Variants in MRE11 observed in about 807,000 individuals in gnomAD.
MRE11 encodes double-strand break repair protein MRE11.
A neutral mutation model predicts 91.7 loss-of-function variants in MRE11; 62 were observed. The observed-to-expected ratio is 0.68, with a 90% confidence interval of 0.55 to 0.84. The LOEUF (loss-of-function observed/expected upper bound fraction) is 0.84, where lower values mean the gene tolerates loss of function less well. Ranked by LOEUF, MRE11 falls within the 40% of genes least tolerant of loss-of-function variation. The pLI, the probability that MRE11 is intolerant of heterozygous loss-of-function variation, is 0.00. For missense variants in MRE11, 796 were observed against 852.9 expected (o/e 0.93, Z 0.83); for synonymous variants, 273 against 271.4 (o/e 1.01, Z -0.06).
chr11:94,485,433 G>GA (rs1947115637), intron 4 of MRE11, among the ~76,000 whole-genome samples: 2 of 151,928 alleles, frequency 1.3e-5, no homozygotes, highest in African/African-American at 2.4e-5. Flanking sequence ...CATTGATTGG[G>GA]AAAAAATATA....
In MRE11 at chr11:94,447,453, A is replaced by G. The variant is rs747135251; in HGVS notation, c.1564-15T>C. 2.5e-6 allele frequency: 4 copies of G among 1,611,584 alleles called. No individual in the cohort carries two copies. The highest frequency in any genetic ancestry group is 1.1e-5 in the South Asian group (1 of 91,026). ...CTGGTCATAGCCTAAGAGGGAGAAG[A>G]AGGAGAAAGTACACACAATGAGATA... is the stretch of plus-strand genomic sequence containing the variant. On this transcript the variant is annotated splice_polypyrimidine_tract_variant and intron_variant, in intron 14 of 19. Transcript: ENST00000323929.
intron 6 of MRE11, among the ~76,000 whole-genome samples, chr11:94,477,207 T>C (rs1946884781): frequency 6.6e-6 from 1 of 152,186 alleles, no homozygotes; most frequent in African/African-American, 2.4e-5. Context: ...ATACTTTTGA[T>C]CTAATATATA....
the MRE11 span, among the ~76,000 whole-genome samples, chr11:94,507,389 G>C: frequency 6.6e-6 from 1 of 152,032 alleles, no homozygotes; most frequent in East Asian, 1.9e-4. Context: ...GGGGGATTTT[G>C]CATTGTTTCC....
At chr11:94,421,361 T>G (rs1310655063) in intron 19 of MRE11, among the ~76,000 whole-genome samples, 1 of 152,244 alleles carries the variant, frequency 6.6e-6, no homozygotes, top group Non-Finnish European at 1.5e-5. Flanking sequence ...GAGTAATGGA[T>G]GCCTTAAGAA....
At chr11:94,434,943 TTTA>T (rs1352108043) in intron 18 of MRE11, among the ~76,000 whole-genome samples, 7 of 152,338 alleles carry the variant, frequency 4.6e-5, no homozygotes, top group African/African-American at 1.7e-4. Context: ...AGTTGATTAC[TTTA>T]TTAAGTAGAA....
chr11:94,510,845 C>T, the MRE11 span, among the ~76,000 whole-genome samples: 7 of 152,324 alleles, frequency 4.6e-5, no homozygotes, highest in African/African-American at 1.7e-4. Flanking sequence ...AAAAGTTATA[C>T]ACACACGTAC....
At chr11:94,456,491 C>T (rs946622579) in intron 13 of MRE11, among the ~76,000 whole-genome samples, 153 bp from the exon 14 acceptor site, 4 of 146,998 alleles carry the variant, frequency 2.7e-5, no homozygotes, top group African/African-American at 1.0e-4. Flanking sequence ...CAATTATTAA[C>T]GTTAAAATTG....
chr11:94,464,378 G>T, intron 10 of MRE11, 139 bp from the exon 11 acceptor site: 1 of 1,153,772 alleles, frequency 8.7e-7, no homozygotes, highest in Non-Finnish European at 1.2e-6. Context: ...AGTAGATCAT[G>T]ATGGAGCTAT....
At chr11:94,497,773 T>C, upstream of MRE11, 1 of 296,172 alleles carries the variant, frequency 3.4e-6, no homozygotes, top group Non-Finnish European at 6.3e-6. Flanking sequence ...ATGTTATTCA[T>C]TGGACTGAAG....
rs864622413 is a variant in MRE11 at position 94,485,918 on chromosome 11, A to G, written c.314+6T>C. 23 of 1,611,486 alleles carry G rather than the reference A, an allele frequency of 1.4e-5. No homozygotes were observed. Among genetic ancestry groups the G allele is most frequent in the Non-Finnish European group, 1.8e-5 (21 of 1,179,156 alleles). ...ATCACTCACTCAAGTAAATAAATAT[A>G]CTTACTTACTAAAACCAAAGTTGAC... On this transcript the variant is annotated splice_donor_region_variant and intron_variant, in intron 4 of 19. Coordinates refer to ENST00000323929, the MANE Select transcript of MRE11 (RefSeq NM_005591.4).
At position 94,416,239 on chromosome 11, in the gene MRE11, A is replaced by T. The variant is rs1216579852; in HGVS notation, c.*3886T>A. The T allele has an allele frequency of 2.0e-5, 3 of 152,220 alleles. No homozygotes were observed. The highest frequency in any genetic ancestry group is 4.4e-5 in the Non-Finnish European group (3 of 68,036). The allele number at this position is 152,220 out of a possible 1,614,324, so 9.4% of individuals were successfully genotyped here. ...CATTTTAATACACATTCAATGTCTG[A>T]ATTTGAAGAATAAAAATGCATTGCT... On this transcript the variant is annotated 3_prime_UTR_variant, in exon 20 of 20. Transcript: ENST00000323929.
chr11:94,417,297 C>A lies in MRE11; in HGVS notation c.*2828G>T. 1 of 208,532 alleles carries A rather than the reference C, an allele frequency of 4.8e-6. No individual in the cohort carries two copies. Among genetic ancestry groups the A allele is most frequent in the Non-Finnish European group, 9.8e-6 (1 of 102,318 alleles). The allele number at this position is 208,532 out of a possible 1,614,324, so 12.9% of individuals were successfully genotyped here. A position where few individuals can be genotyped will look rare whatever the true frequency, so the allele number is the denominator to read the frequency against. On this transcript the variant is annotated 3_prime_UTR_variant, in exon 20 of 20. Transcript: ENST00000323929. ...CAGCCCATTGAGATACTTTTTTACT[C>A]AGTTTTTTTCTAAGAATGGATTTTC...
At chr11:94,465,154 A>G (rs1946527841) in intron 10 of MRE11, among the ~76,000 whole-genome samples, 1 of 152,206 alleles carries the variant, frequency 6.6e-6, no homozygotes. Flanking sequence ...AATGTCTTTT[A>G]GTCAGTACAA....
At chr11:94,491,142 T>A in intron 2 of MRE11, among the ~76,000 whole-genome samples, 177 bp from the exon 3 acceptor site, 1 of 152,160 alleles carries the variant, frequency 6.6e-6, no homozygotes, top group East Asian at 1.9e-4. Context: ...ACATTACAGT[T>A]TTCCTAACCA....
At chr11:94,508,311 G>T in the MRE11 span, among the ~76,000 whole-genome samples, 1 of 152,042 alleles carries the variant, frequency 6.6e-6, no homozygotes, top group Non-Finnish European at 1.5e-5. Flanking sequence ...AGTGCTTTTG[G>T]TTTCCTGTTT....
intron 16 of MRE11, among the ~76,000 whole-genome samples, chr11:94,441,188 C>G (rs1264285532): frequency 6.6e-6 from 1 of 152,168 alleles, no homozygotes; most frequent in Non-Finnish European, 1.5e-5. Context: ...AGGTAGGAAG[C>G]CTGTATTTCT....
At chr11:94,462,006 C>T (rs1208193522) in intron 11 of MRE11, among the ~76,000 whole-genome samples, 2 of 152,038 alleles carry the variant, frequency 1.3e-5, no homozygotes, top group African/African-American at 2.4e-5. Flanking sequence ...ACCTGGGAGG[C>T]GGAGCTTACA....
upstream of MRE11, chr11:94,496,953 T>TA (rs750258320): frequency 1.2e-3 from 1,539 of 1,330,364 alleles, 1 homozygote; most frequent in East Asian, 2.0e-3. Context: ...AAAAATCGGG[T>TA]AAAAAAAAAA....
intron 11 of MRE11, among the ~76,000 whole-genome samples, chr11:94,461,653 A>G (rs953649456): frequency 6.6e-6 from 1 of 152,216 alleles, no homozygotes; most frequent in Non-Finnish European, 1.5e-5. Context: ...AGGGTATTCA[A>G]TTAGGAAAAG....
Sources: gnomAD v4.1 joint callset for allele counts (sites outside exome capture counted in the v4.1 genomes callset) on GRCh38, gnomAD v4.1.1 for gene constraint, MANE v1.5 for transcripts, NCBI Gene and HGNC (gene_info 2026-07-23, HGNC 2026-07-21) for gene names.